The following PDE10A variants were observed in gnomAD, a reference collection of about 807,000 sequenced individuals.
PDE10A encodes the protein phosphodiesterase 10A.
A neutral mutation model predicts 97.7 loss-of-function variants in PDE10A; 39 were observed. The observed-to-expected ratio is 0.40, with a 90% confidence interval of 0.31 to 0.52. PDE10A has a LOEUF of 0.52. Among genes scored for constraint, PDE10A ranks in the 20% least tolerant of loss-of-function variants. The probability of loss-of-function intolerance (pLI) is 0.56; values close to 1 mark genes in which losing one functional copy is unlikely to be tolerated. For missense variants in PDE10A, 731 were observed against 1,047.8 expected, an observed-to-expected ratio of 0.70 and a Z score of 4.17; for synonymous variants, 371 against 376.8, an observed-to-expected ratio of 0.98 and a Z score of 0.18.
intron 1 of PDE10A, among the ~76,000 whole-genome samples, chr6:165,746,428 C>T (rs1044272307): frequency 6.6e-6 from 1 of 152,222 alleles, no homozygotes; most frequent in South Asian, 2.1e-4. Flanking sequence ...TCTGCCACCA[C>T]GGTTCACATT....
intron 1 of PDE10A, among the ~76,000 whole-genome samples, chr6:165,626,667 G>A (rs1010812741): frequency 2.6e-5 from 4 of 152,140 alleles, no homozygotes; most frequent in African/African-American, 4.8e-5. Flanking sequence ...AGGATTAAGA[G>A]AGAAGGTAAA....
chr6:165,495,794 C>A (rs1366463879), intron 2 of PDE10A, among the ~76,000 whole-genome samples: 2 of 152,108 alleles, frequency 1.3e-5, no homozygotes, highest in African/African-American at 4.8e-5. Context: ...ACTCAAAATC[C>A]TTTTATCTTC....
chr6:165,806,555 G>C (rs775199702), intron 1 of PDE10A, among the ~76,000 whole-genome samples: 38 of 152,162 alleles, frequency 2.5e-4, no homozygotes, highest in African/African-American at 8.5e-4. Context: ...GGCCTCACTC[G>C]TGGGATGTGC....
intron 1 of PDE10A, among the ~76,000 whole-genome samples, chr6:165,823,812 C>T (rs1484947565): frequency 6.6e-6 from 1 of 151,934 alleles, no homozygotes; most frequent in Non-Finnish European, 1.5e-5. Context: ...TAGGAGTTTT[C>T]CAGCTCCATA....
At chr6:165,892,577 G>C (rs1260327079) in intron 1 of PDE10A, among the ~76,000 whole-genome samples, 1 of 152,170 alleles carries the variant, frequency 6.6e-6, no homozygotes, top group East Asian at 1.9e-4. Flanking sequence ...GCTCTCCTTG[G>C]ACTTCCGGCT....
At chr6:165,987,111 C>A (rs956262684) in intron 1 of PDE10A, among the ~76,000 whole-genome samples, 1 of 152,120 alleles carries the variant, frequency 6.6e-6, no homozygotes, top group East Asian at 1.9e-4. Flanking sequence ...TTCTCCAGGC[C>A]GCCTCGGGAG....
chr6:165,511,507 T>G (rs911053725), intron 2 of PDE10A, among the ~76,000 whole-genome samples: 1 of 152,120 alleles, frequency 6.6e-6, no homozygotes, highest in South Asian at 2.1e-4. Context: ...TCAGATAAAA[T>G]GCTCTGTAAA....
At chr6:165,501,231 G>A (rs1562525425) in intron 2 of PDE10A, among the ~76,000 whole-genome samples, 1 of 152,092 alleles carries the variant, frequency 6.6e-6, no homozygotes, top group Admixed American at 6.5e-5. Flanking sequence ...GTGTGGAGGG[G>A]CAGGCCACCC....
chr6:165,879,075 T>C (rs1401117988), intron 1 of PDE10A, among the ~76,000 whole-genome samples: 1 of 152,212 alleles, frequency 6.6e-6, no homozygotes, highest in Non-Finnish European at 1.5e-5. Flanking sequence ...GATGTCAGTC[T>C]GAAATTTGGG....
chr6:165,894,102 T>TCATC (rs1781876075), intron 1 of PDE10A: 1 of 355,904 alleles, frequency 2.8e-6, no homozygotes, highest in Admixed American at 3.7e-5. Context: ...ATGACTAAAG[T>TCATC]TTCAAAAGAG....
intron 1 of PDE10A, among the ~76,000 whole-genome samples, chr6:165,862,536 T>C (rs1286834743): frequency 6.6e-6 from 1 of 152,198 alleles, no homozygotes. Context: ...ATGATGAGGC[T>C]GAAGTCACAG....
intron 2 of PDE10A, among the ~76,000 whole-genome samples, chr6:165,532,602 G>T (rs1400298819): frequency 6.6e-6 from 1 of 151,966 alleles, no homozygotes; most frequent in Non-Finnish European, 1.5e-5. Context: ...GCAAGCATCA[G>T]AATTACCTGG....
chr6:165,386,730 C>T (rs1295631324), intron 17 of PDE10A, among the ~76,000 whole-genome samples: 2 of 151,894 alleles, frequency 1.3e-5, no homozygotes, highest in Admixed American at 6.6e-5. Flanking sequence ...CAGCCAGGCG[C>T]GGTGGCTCAC....
chr6:165,812,461 A>G (rs2128467531), intron 1 of PDE10A, among the ~76,000 whole-genome samples: 1 of 152,330 alleles, frequency 6.6e-6, no homozygotes, highest in African/African-American at 2.4e-5. Context: ...CTCATTAAGT[A>G]TCTTAAAAGT....
At chr6:165,430,691 C>T (rs1404386835) in intron 8 of PDE10A, among the ~76,000 whole-genome samples, 1 of 152,108 alleles carries the variant, frequency 6.6e-6, no homozygotes, top group East Asian at 1.9e-4. Context: ...CCAAGTCTCT[C>T]TTTAGAACTA....
chr6:165,601,777 A>C (rs828564), intron 1 of PDE10A, among the ~76,000 whole-genome samples: 104,822 of 151,964 alleles, frequency 0.69, 36,682 homozygotes, highest in Middle Eastern at 0.8. Flanking sequence ...TCCCTCATAC[A>C]TATCTAATTA....
chr6:165,890,400 C>G (rs955385705), intron 1 of PDE10A, among the ~76,000 whole-genome samples: 2 of 152,130 alleles, frequency 1.3e-5, no homozygotes, highest in East Asian at 3.9e-4. Flanking sequence ...GGATGACAAA[C>G]AATAAATCAC....
At chr6:165,484,843 C>T (rs529916816) in intron 2 of PDE10A, among the ~76,000 whole-genome samples, 4 of 152,146 alleles carry the variant, frequency 2.6e-5, no homozygotes, top group Non-Finnish European at 5.9e-5. Context: ...CTTCCATCTG[C>T]ACCTCTTTCC....
At chr6:165,423,006 C>T (rs1178163262) in intron 10 of PDE10A, among the ~76,000 whole-genome samples, 2 of 152,204 alleles carry the variant, frequency 1.3e-5, no homozygotes, top group East Asian at 1.9e-4. Context: ...ATGATATAAA[C>T]ACTGATTATT....
Sources: gnomAD v4.1 joint callset for allele counts (sites outside exome capture counted in the v4.1 genomes callset) on GRCh38, gnomAD v4.1.1 for gene constraint, MANE v1.5 for transcripts, NCBI Gene and HGNC (gene_info 2026-07-23, HGNC 2026-07-21) for gene names.